PCDHGA12: variants seen among roughly 807,000 people sequenced by gnomAD.
The protein encoded by PCDHGA12 is protocadherin gamma-A12.
Under a neutral mutation model 61.1 loss-of-function variants are expected in PCDHGA12, and 43 were observed. That is an observed-to-expected ratio of 0.70 (90% CI 0.55 to 0.91). PCDHGA12 has a LOEUF of 0.91. PCDHGA12 is among the 40% of genes least tolerant of loss of function. The probability of loss-of-function intolerance (pLI) is 0.00; values close to 1 mark genes in which losing one functional copy is unlikely to be tolerated. For synonymous variants in PCDHGA12, 520 were observed against 542.9 expected, an observed-to-expected ratio of 0.96 and a Z score of 0.59; for missense variants, 1,236 against 1,227.7, an observed-to-expected ratio of 1.01 and a Z score of -0.10.
At position 141,489,298 on chromosome 5, in the gene PCDHGA12, T is replaced by C; in HGVS notation, c.2425-5509T>C. On this transcript the variant is annotated intron_variant, in intron 1 of 3. Transcript: ENST00000252085. This position sits in a 1 kb window ranked among gnomAD's most constrained non-coding sequence, Gnocchi z 4.5. ...GAAATGGCAAGTGCTGTGCATGTTG[T>C]CCTTGTGCTGCTGGGGCTGGGTGTC... The C allele has an allele frequency of 6.3e-7, 1 of 1,584,418 alleles. No individual in the cohort carries two copies. The highest frequency in any genetic ancestry group is 8.6e-7 in the Non-Finnish European group (1 of 1,165,192).
chr5:141,478,563 C>A, intron 1 of PCDHGA12: 2 of 1,596,270 alleles, frequency 1.3e-6, no homozygotes, highest in South Asian at 1.1e-5. Context: ...TTTAGCAAGT[C>A]ATGCTTGACC....
At chr5:141,457,098 T>G (rs1179930043) in intron 1 of PCDHGA12, among the ~76,000 whole-genome samples, 1 of 152,242 alleles carries the variant, frequency 6.6e-6, no homozygotes, top group Non-Finnish European at 1.5e-5. Flanking sequence ...AGGATACTAA[T>G]TAAGCAAAAT....
chr5:141,491,291 C>T lies in PCDHGA12; in HGVS notation c.2425-3516C>T. 1 of 1,614,152 alleles carries T rather than the reference C, an allele frequency of 6.2e-7. No homozygotes were observed. The highest frequency in any genetic ancestry group is 8.5e-7 in the Non-Finnish European group (1 of 1,179,974). On this transcript the variant is annotated intron_variant, in intron 1 of 3. Coordinates refer to ENST00000252085, the MANE Select transcript of PCDHGA12 (RefSeq NM_003735.3). This position sits in a 1 kb window ranked among gnomAD's most constrained non-coding sequence, Gnocchi z 6.9. The stretch of plus-strand genomic sequence containing the variant: ...AAATCCAGTGACTTCCTCATACACC[C>T]TCCTGAGCGTTCAGACCTTACCCTT...
intron 3 of PCDHGA12, 110 bp downstream of exon 3, chr5:141,505,591 G>A (rs2099846959): frequency 6.4e-7 from 1 of 1,570,162 alleles, no homozygotes; most frequent in Non-Finnish European, 8.7e-7. Context: ...AGTTTCTCCA[G>A]ATCTTTCGGC....
rs1561852927 is a variant in PCDHGA12, at chr5:141,431,472, A to G, written c.713A>G (p.Asn238Ser). Residue 238 changes from asparagine (N) to serine (S), a missense_variant, in exon 1 of 4, where the codon AAC becomes AGC. Asn to Ser is a conservative substitution (Grantham distance 46). Coordinates refer to ENST00000252085, the MANE Select transcript of PCDHGA12 (RefSeq NM_003735.3). The surrounding 1 kb of genome is among the most constrained non-coding windows in gnomAD (Gnocchi z 4.8). The stretch of plus-strand genomic sequence containing the variant: ...GTGATGGTTCTGGATGCGAACGACA[A>G]CGCACCAGCGTTTGCTCAGCCCGAG... Reference protein sequence around the residue: ...IRVMVLDANDNAPAFAQPEYR... With the variant: ...IRVMVLDANDSAPAFAQPEYR... 6.2e-7 allele frequency: 1 copy of G among 1,613,784 alleles called. No individual in the cohort carries two copies. The highest frequency in any genetic ancestry group is 8.5e-7 in the Non-Finnish European group (1 of 1,179,948).
rs1428628914 is a variant in PCDHGA12, at chr5:141,487,223, G to A, written c.2425-7584G>A. 1.2e-6 allele frequency: 2 copies of A among 1,614,076 alleles called. No homozygotes were observed. The highest frequency in any genetic ancestry group is 2.2e-5 in the East Asian group (1 of 44,866). The stretch of plus-strand genomic sequence containing the variant: ...TCTTCGAGAATCTTCAGCTCCAAGG[G>A]AAGGAGAATCTCGTCTAACCCTCTA... On this transcript the variant is annotated intron_variant, in intron 1 of 3. Transcript: ENST00000252085. This position sits in a 1 kb window ranked among gnomAD's most constrained non-coding sequence, Gnocchi z 5.0.
chr5:141,475,885 A>T, intron 1 of PCDHGA12: 1 of 556,524 alleles, frequency 1.8e-6, no homozygotes, highest in Non-Finnish European at 3.2e-6. Flanking sequence ...ATTGGCTGGG[A>T]CTCTGTGTGC....
Position 141,477,535 on chromosome 5 carries a change from G to A in PCDHGA12, c.2425-17272G>A, listed in dbSNP as rs2099412713. ...ACATTGAAGAAAACAACCTCCCCGG[G>A]GCTCCAATACTAAACCTAAGTGTCT... On this transcript the variant is annotated intron_variant, in intron 1 of 3. Transcript: ENST00000252085. The surrounding 1 kb of genome is among the most constrained non-coding windows in gnomAD (Gnocchi z 4.9). 1.2e-6 allele frequency: 2 copies of A among 1,613,936 alleles called. No homozygotes were observed. The highest frequency in any genetic ancestry group is 2.7e-5 in the African/African-American group (2 of 74,866).
chr5:141,431,767 T>G lies in PCDHGA12; in HGVS notation c.1008T>G (p.Thr336=), dbSNP rs1397063213. The change falls in exon 1 of 4, where the codon ACT becomes ACG. Residue 336 remains threonine, a synonymous_variant. Coordinates refer to ENST00000252085, the MANE Select transcript of PCDHGA12 (RefSeq NM_003735.3). The surrounding 1 kb of genome is among the most constrained non-coding windows in gnomAD (Gnocchi z 4.8). ...CTGCGCGAGCCAAAGTCCTGATCAC[T>G]GTTCTGGACGTGAACGACAATGCCC... ...GYSARAKVLI[T]VLDVNDNAPE... The G allele has an allele frequency of 6.2e-7, 1 of 1,614,224 alleles. No individual in the cohort carries two copies.
At chr5:141,494,363 T>C (rs1264801258) in intron 1 of PCDHGA12, among the ~76,000 whole-genome samples, 1 of 152,206 alleles carries the variant, frequency 6.6e-6, no homozygotes, top group Non-Finnish European at 1.5e-5. Context: ...CTGCAGAGGA[T>C]GCTTTGTTCC....
intron 2 of PCDHGA12, among the ~76,000 whole-genome samples, chr5:141,497,336 A>G (rs558221190): frequency 1.6e-3 from 251 of 152,122 alleles, no homozygotes; most frequent in Non-Finnish European, 2.8e-3. Flanking sequence ...TTCACCATTG[A>G]ACCTGGAAGC....
chr5:141,440,401 C>T (rs1023628115), intron 1 of PCDHGA12: 4 of 152,088 alleles, frequency 2.6e-5, no homozygotes, highest in African/African-American at 7.3e-5. Context: ...GAGAGGCAAT[C>T]GCACCACTGC....
At chr5:141,483,648 T>TTGTGTGTGTGTGTG (rs111458813) in intron 1 of PCDHGA12, among the ~76,000 whole-genome samples, 2 of 149,592 alleles carry the variant, frequency 1.3e-5, no homozygotes, top group Non-Finnish European at 3.0e-5. Context: ...GGGTGTGTGT[T>TTGTGTGTGTGTGTG]TGTGTGTGTG....
At chr5:141,448,893 C>G (rs957997508) in intron 1 of PCDHGA12, among the ~76,000 whole-genome samples, 2 of 151,948 alleles carry the variant, frequency 1.3e-5, no homozygotes, top group Non-Finnish European at 2.9e-5. Flanking sequence ...TGCAGTGAGC[C>G]GAGATCGTGC....
rs775898365 is a variant in PCDHGA12 at position 141,476,425 on chromosome 5, T to C, written c.2425-18382T>C. On this transcript the variant is annotated intron_variant, in intron 1 of 3. Transcript: ENST00000252085. This position sits in a 1 kb window ranked among gnomAD's most constrained non-coding sequence, Gnocchi z 7.6. ...AGGAGCTGTGTGGGACACTGCCCTC[T>C]TGCACTGTAACTCTGGAGTTGGTAG... is the stretch of plus-strand genomic sequence containing the variant. The C allele has an allele frequency of 1.2e-6, 2 of 1,614,108 alleles. No homozygotes were observed. Among genetic ancestry groups the C allele is most frequent in the East Asian group, 4.5e-5 (2 of 44,848 alleles).
chr5:141,470,768 G>T (rs2099239559), intron 1 of PCDHGA12, among the ~76,000 whole-genome samples: 1 of 152,142 alleles, frequency 6.6e-6, no homozygotes, highest in South Asian at 2.1e-4. Context: ...ACTCACTACA[G>T]TCTTGAATTC....
At chr5:141,499,343 G>C (rs1184175548) in intron 2 of PCDHGA12, among the ~76,000 whole-genome samples, 1 of 152,146 alleles carries the variant, frequency 6.6e-6, no homozygotes, top group Non-Finnish European at 1.5e-5. Context: ...AGTTTGGGCA[G>C]TCATTCAACA....
At chr5:141,449,055 A>T (rs1056298558) in intron 1 of PCDHGA12, among the ~76,000 whole-genome samples, 1 of 152,188 alleles carries the variant, frequency 6.6e-6, no homozygotes, top group Non-Finnish European at 1.5e-5. Context: ...CTCATAAATG[A>T]GCGCTATTGA....
intron 3 of PCDHGA12, among the ~76,000 whole-genome samples, chr5:141,508,658 A>G (rs1420910010): frequency 2.0e-5 from 3 of 152,086 alleles, no homozygotes; most frequent in African/African-American, 4.8e-5. Flanking sequence ...CCTTCCTGTC[A>G]TTCTGTCTCT....
Sources: gnomAD v4.1 joint callset for allele counts (sites outside exome capture counted in the v4.1 genomes callset) on GRCh38, gnomAD v4.1.1 for gene constraint, Gnocchi (gnomAD v3.1) non-coding constraint, MANE v1.5 for transcripts, NCBI Gene and HGNC (gene_info 2026-07-23, HGNC 2026-07-21) for gene names.